The following DPYD variants were observed in gnomAD, a reference collection of about 807,000 sequenced individuals.
DPYD encodes dihydropyrimidine dehydrogenase.
DPYD carries 109 observed loss-of-function variants against 116.2 expected under a neutral mutation model. The observed-to-expected ratio is 0.94, with a 90% confidence interval of 0.80 to 1.10. The LOEUF (loss-of-function observed/expected upper bound fraction) is 1.10, where lower values mean the gene tolerates loss of function less well. Ranked by LOEUF, DPYD falls within the 50% of genes least tolerant of loss-of-function variation. DPYD has a pLI of 0.00. For missense variants in DPYD, 1,302 were observed against 1,254.5 expected (o/e 1.04, Z -0.57); for synonymous variants, 440 against 432.0 (o/e 1.02, Z -0.23).
intron 18 of DPYD, among the ~76,000 whole-genome samples, chr1:97,302,990 T>C (rs1666955266): frequency 6.6e-6 from 1 of 151,980 alleles, no homozygotes; most frequent in Admixed American, 6.6e-5. Context: ...TCACTGTCCC[T>C]TATTAGCTAA....
intron 19 of DPYD, among the ~76,000 whole-genome samples, chr1:97,194,475 A>C (rs1233207337): frequency 6.6e-6 from 1 of 151,828 alleles, no homozygotes; most frequent in Non-Finnish European, 1.5e-5. Flanking sequence ...TTCCTTTATA[A>C]ATTACCCAGT....
chr1:97,583,311 AT>A (rs1653829435), intron 10 of DPYD, among the ~76,000 whole-genome samples: 1 of 151,898 alleles, frequency 6.6e-6, no homozygotes, highest in African/African-American at 2.4e-5. Flanking sequence ...TATTGATGAC[AT>A]TTTCTTTTTT....
intron 3 of DPYD, among the ~76,000 whole-genome samples, chr1:97,769,260 A>T (rs1204259143): frequency 1.3e-5 from 2 of 152,164 alleles, no homozygotes; most frequent in African/African-American, 2.4e-5. Flanking sequence ...CAAAGAATAC[A>T]AGAACTGGAT....
chr1:97,108,180 A>G (rs1651312642), intron 20 of DPYD, among the ~76,000 whole-genome samples: 1 of 150,936 alleles, frequency 6.6e-6, no homozygotes, highest in African/African-American at 2.5e-5. Context: ...TTGCTGGGGG[A>G]GGTAATGTGG....
At chr1:97,437,063 A>G (rs776172739) in intron 14 of DPYD, among the ~76,000 whole-genome samples, 113 of 151,790 alleles carry the variant, frequency 7.4e-4, no homozygotes, top group Non-Finnish European at 1.0e-3. Context: ...TACATACTTA[A>G]AGTATACAAT....
chr1:97,871,481 C>T (rs759236792), intron 2 of DPYD, among the ~76,000 whole-genome samples: 5 of 151,560 alleles, frequency 3.3e-5, no homozygotes, highest in Non-Finnish European at 4.4e-5. Context: ...AAGAGAGCTT[C>T]GGCCAGAGTG....
At chr1:97,673,828 A>G (rs1660001339) in intron 8 of DPYD, among the ~76,000 whole-genome samples, 1 of 152,204 alleles carries the variant, frequency 6.6e-6, no homozygotes, top group Non-Finnish European at 1.5e-5. Flanking sequence ...GAAAAAAAGC[A>G]TCGAAGTCAA....
intron 16 of DPYD, among the ~76,000 whole-genome samples, chr1:97,363,347 G>C (rs1670847037): frequency 6.6e-6 from 1 of 152,200 alleles, no homozygotes; most frequent in Non-Finnish European, 1.5e-5. Context: ...CCTTTATACT[G>C]TTGGTGAGAC....
At chr1:97,254,542 G>C (rs942264693) in intron 18 of DPYD, among the ~76,000 whole-genome samples, 1 of 151,992 alleles carries the variant, frequency 6.6e-6, no homozygotes, top group African/African-American at 2.4e-5. Context: ...AGAAAGAGAA[G>C]AAAATTTAAT....
At chr1:97,734,211 T>G (rs1418624031) in intron 4 of DPYD, among the ~76,000 whole-genome samples, 2 of 152,138 alleles carry the variant, frequency 1.3e-5, no homozygotes, top group Non-Finnish European at 2.9e-5. Flanking sequence ...TTAGTCCACC[T>G]GAAAAGAATT....
intron 3 of DPYD, among the ~76,000 whole-genome samples, chr1:97,779,039 C>T (rs1403698658): frequency 1.3e-5 from 2 of 151,952 alleles, no homozygotes; most frequent in Non-Finnish European, 2.9e-5. Flanking sequence ...TAGAAATTAT[C>T]TGGAATTTAT....
intron 3 of DPYD, among the ~76,000 whole-genome samples, chr1:97,762,879 C>T (rs1665653031): frequency 6.6e-6 from 1 of 152,032 alleles, no homozygotes; most frequent in Non-Finnish European, 1.5e-5. Context: ...CCTGATTATT[C>T]TACATATTAA....
intron 2 of DPYD, among the ~76,000 whole-genome samples, chr1:97,881,795 T>C (rs924436852): frequency 1.3e-5 from 2 of 151,830 alleles, no homozygotes; most frequent in Non-Finnish European, 2.9e-5. Flanking sequence ...AAATTAGAGA[T>C]TTAGGCTTGA....
chr1:97,370,647 C>T (rs1448548928), intron 16 of DPYD, among the ~76,000 whole-genome samples: 2 of 152,058 alleles, frequency 1.3e-5, no homozygotes, highest in African/African-American at 4.8e-5. Flanking sequence ...TTTAACAATG[C>T]TCTTTAAAGT....
At chr1:97,247,634 C>G (rs891877351) in intron 18 of DPYD, among the ~76,000 whole-genome samples, 1 of 152,124 alleles carries the variant, frequency 6.6e-6, no homozygotes, top group Admixed American at 6.6e-5. Context: ...GTAAAGCAGG[C>G]AGCACAGTGA....
intron 20 of DPYD, among the ~76,000 whole-genome samples, chr1:97,148,951 C>A (rs115119044): frequency 1.7e-3 from 262 of 152,234 alleles, no homozygotes; most frequent in African/African-American, 6.0e-3. Context: ...ACAACAGAGT[C>A]TTTTGTACGC....
At chr1:97,417,563 C>T (rs992927972) in intron 14 of DPYD, among the ~76,000 whole-genome samples, 6 of 152,082 alleles carry the variant, frequency 3.9e-5, no homozygotes, top group Non-Finnish European at 8.8e-5. Context: ...CATTTCTTTT[C>T]AACAAAGCTA....
intron 13 of DPYD, among the ~76,000 whole-genome samples, chr1:97,491,081 T>C (rs990668333): frequency 4.1e-5 from 6 of 148,106 alleles, no homozygotes; most frequent in South Asian, 2.1e-4. Context: ...ATTTATAATA[T>C]ATAAATATGT....
intron 20 of DPYD, among the ~76,000 whole-genome samples, chr1:97,184,111 G>T (rs1214436761): frequency 1.3e-5 from 2 of 151,960 alleles, no homozygotes; most frequent in Non-Finnish European, 2.9e-5. Context: ...CCTTTTTATG[G>T]TTGCATAGTA....
Sources: allele counts gnomAD v4.1 joint callset (sites outside exome capture counted in the v4.1 genomes callset), GRCh38; gene constraint gnomAD v4.1.1; transcripts MANE v1.5; gene names NCBI Gene and HGNC (gene_info 2026-07-23, HGNC 2026-07-21).